FLT1: variants seen among roughly 807,000 people sequenced by gnomAD.
The protein encoded by FLT1 is vascular endothelial growth factor receptor 1.
Under a neutral mutation model 156.3 loss-of-function variants are expected in FLT1, and 49 were observed. The ratio of observed to expected loss-of-function variants is 0.31; its 90% CI spans 0.25 to 0.40. The LOEUF (loss-of-function observed/expected upper bound fraction) is 0.40. FLT1 is among the 10% of genes least tolerant of loss of function. The pLI, the probability that FLT1 is intolerant of heterozygous loss-of-function variation, is 1.00. For missense variants in FLT1, 1,322 were observed against 1,637.2 expected, an observed-to-expected ratio of 0.81 and a Z score of 3.32; for synonymous variants, 594 against 583.8, an observed-to-expected ratio of 1.02 and a Z score of -0.25.
chr13:28,433,342 G>T (rs1877813835), intron 6 of FLT1, among the ~76,000 whole-genome samples: 3 of 152,166 alleles, frequency 2.0e-5, no homozygotes, highest in South Asian at 4.2e-4. Context: ...ATGGAATATT[G>T]GATGGCTGGG....
chr13:28,470,431 C>T (rs1880096767), intron 1 of FLT1, among the ~76,000 whole-genome samples: 1 of 152,010 alleles, frequency 6.6e-6, no homozygotes. Context: ...GGAAAAGATC[C>T]ATCGAAGCTT....
rs2138826711 is a variant in FLT1, at chr13:28,319,492, C to G, written c.3217G>C (p.Asp1073His). ...LKWMAPESIF[D>H]KIYSTKSDVW... ...TCGCTCTTGGTGCTGTAGATTTTGTCAAAGATAGATTCAGGAGCCATCCAT... is the reference window on the plus strand; with the variant it reads ...TCGCTCTTGGTGCTGTAGATTTTGTGAAAGATAGATTCAGGAGCCATCCAT... The change falls in exon 24 of 30, where the codon GAC becomes CAC. Residue 1073 changes from aspartate (D) to histidine (H), a missense_variant. This residue lies in a region of FLT1 where 329 missense variants were observed against 366.2 expected (regional missense o/e 0.90). Coordinates refer to ENST00000282397, the MANE Select transcript of FLT1 (RefSeq NM_002019.4). 6.2e-7 allele frequency: 1 copy of G among 1,613,992 alleles called. No individual in the cohort carries two copies. Among genetic ancestry groups the G allele is most frequent in the Non-Finnish European group, 8.5e-7 (1 of 1,179,944 alleles).
chr13:28,318,797 T>A (rs146049356), intron 24 of FLT1, among the ~76,000 whole-genome samples: 1 of 152,356 alleles, frequency 6.6e-6, no homozygotes. Context: ...ACTGTGTGTC[T>A]GCAAGCAGAT....
chr13:28,371,675 G>A (rs1020456327), intron 14 of FLT1, among the ~76,000 whole-genome samples: 1 of 152,188 alleles, frequency 6.6e-6, no homozygotes, highest in African/African-American at 2.4e-5. Context: ...ATCATATGCT[G>A]AGGTTGGCTA....
chr13:28,486,328 C>A (rs1881160165), intron 1 of FLT1, among the ~76,000 whole-genome samples: 1 of 152,214 alleles, frequency 6.6e-6, no homozygotes, highest in Admixed American at 6.5e-5. Flanking sequence ...GGGGACAGAA[C>A]CCTGGCACAT....
chr13:28,459,242 C>T (rs1444231662), intron 3 of FLT1, among the ~76,000 whole-genome samples: 2 of 152,170 alleles, frequency 1.3e-5, no homozygotes, highest in Non-Finnish European at 2.9e-5. Context: ...TCACCTGTCT[C>T]CTGAGCAAAT....
At chr13:28,361,434 G>A (rs1285875282) in intron 14 of FLT1, among the ~76,000 whole-genome samples, 3 of 151,836 alleles carry the variant, frequency 2.0e-5, no homozygotes, top group Non-Finnish European at 4.4e-5. Context: ...CTCCTACTAC[G>A]TACTAGACAC....
Position 28,322,915 on chromosome 13 carries a change from T to G in FLT1, c.2828A>C (p.Glu943Ala), listed in dbSNP as rs367615542. ...DAALHMEPKK[E>A]KMEPGLEQGK... is the part of the protein sequence containing the mutation. The stretch of plus-strand genomic sequence containing the variant: ...TTGTTCCAGGCCTGGCTCCATTTTT[T>G]CTTTCTTAGGCTCCATGTGTAGTGC... Residue 943 changes from glutamate (E) to alanine (A), a missense_variant, in exon 21 of 30, where the codon GAA becomes GCA. Transcript: ENST00000282397. The surrounding 1 kb of genome is among the most constrained non-coding windows in gnomAD (Gnocchi z 4.3). 3.2e-5 allele frequency: 51 copies of G among 1,614,054 alleles called. No homozygotes were observed. The highest frequency in any genetic ancestry group is 4.2e-5 in the Non-Finnish European group (50 of 1,180,038).
At chr13:28,492,319 A>G (rs965987090) in intron 1 of FLT1, among the ~76,000 whole-genome samples, 15 of 152,190 alleles carry the variant, frequency 9.9e-5, no homozygotes, top group African/African-American at 3.6e-4. Flanking sequence ...GGCAAAGAAA[A>G]AGGTCTGTAG....
At chr13:28,329,998 G>A (rs1010397632) in intron 18 of FLT1, among the ~76,000 whole-genome samples, 6 of 152,192 alleles carry the variant, frequency 3.9e-5, no homozygotes, top group East Asian at 1.9e-4. Flanking sequence ...TCAGCAATGC[G>A]CTGACTCAGA....
intron 29 of FLT1, among the ~76,000 whole-genome samples, chr13:28,305,207 C>T (rs1401012553): frequency 2.0e-5 from 3 of 152,178 alleles, no homozygotes; most frequent in African/African-American, 7.2e-5. Context: ...TAGCTATCCT[C>T]ATGGGCGTAA....
chr13:28,426,606 A>C (rs934544503), intron 10 of FLT1, among the ~76,000 whole-genome samples: 6 of 152,178 alleles, frequency 3.9e-5, no homozygotes, highest in African/African-American at 9.7e-5. Flanking sequence ...GGCAGTGAGG[A>C]GAGTTCACAG....
intron 15 of FLT1, 35 bp downstream of exon 15, chr13:28,357,519 C>A (rs770407567): frequency 1.2e-6 from 2 of 1,611,464 alleles, no homozygotes; most frequent in Non-Finnish European, 8.5e-7. Flanking sequence ...AGATGTCTGA[C>A]CAATTTCTTG....
At chr13:28,339,702 T>C (rs988344222) in intron 16 of FLT1, among the ~76,000 whole-genome samples, 1 of 152,170 alleles carries the variant, frequency 6.6e-6, no homozygotes, top group Non-Finnish European at 1.5e-5. Flanking sequence ...CAGGAATATA[T>C]ATTACATATG....
intron 3 of FLT1, among the ~76,000 whole-genome samples, chr13:28,440,168 G>A (rs970251773): frequency 5.3e-5 from 8 of 152,086 alleles, no homozygotes; most frequent in Admixed American, 2.0e-4. Context: ...GTTACAACAC[G>A]GTCCACAGAA....
At chr13:28,391,766 C>CGGAA (rs1481718014) in intron 12 of FLT1, among the ~76,000 whole-genome samples, 2 of 152,164 alleles carry the variant, frequency 1.3e-5, no homozygotes, top group Non-Finnish European at 2.9e-5. Context: ...GAGCTCTTCC[C>CGGAA]CTCCGCATGC....
chr13:28,486,318 G>A (rs1240503585), intron 1 of FLT1, among the ~76,000 whole-genome samples: 1 of 152,204 alleles, frequency 6.6e-6, no homozygotes, highest in Non-Finnish European at 1.5e-5. Context: ...TCACAACAGT[G>A]GGGACAGAAC....
rs572893392 is a variant in FLT1 at position 28,327,730 on chromosome 13, G to A, written c.2708-180C>T. On this transcript the variant is annotated intron_variant, in intron 19 of 29. Transcript: ENST00000282397. The stretch of plus-strand genomic sequence containing the variant: ...TGACTTTTTCAGTTTAACCTAAGAA[G>A]GGGTTTAAAGAATACAATTGAAATA... 2.1e-4 allele frequency among the ~76,000 whole-genome samples: 28 copies of A among 132,356 alleles called. No homozygotes were observed. The South Asian group carries it at 7.0e-3, about 33-fold the overall frequency. The allele number at this position is 132,356 out of a possible 152,430, so 86.8% of individuals were successfully genotyped here. A position where few individuals can be genotyped will look rare whatever the true frequency, so the allele number is the denominator to read the frequency against.
At position 28,311,751 on chromosome 13, in the gene FLT1, A is replaced by G. The variant is rs1435736746; in HGVS notation, c.3493-19T>C. ...TACCATCCTAAAATACCAAAGGTAG[A>G]GCTCTCGTTGCACCAATTCTGACTT... On this transcript the variant is annotated intron_variant, in intron 26 of 29. Coordinates refer to ENST00000282397, the MANE Select transcript of FLT1 (RefSeq NM_002019.4). 1 of 1,613,758 alleles carries G rather than the reference A, an allele frequency of 6.2e-7. No individual in the cohort carries two copies. Among genetic ancestry groups the G allele is most frequent in the Non-Finnish European group, 8.5e-7 (1 of 1,179,680 alleles).
Sources: gnomAD v4.1 joint callset for allele counts (sites outside exome capture counted in the v4.1 genomes callset) on GRCh38, gnomAD v4.1.1 for gene constraint, gnomAD v4.1.1 regional missense constraint, Gnocchi (gnomAD v3.1) non-coding constraint, MANE v1.5 for transcripts, NCBI Gene and HGNC (gene_info 2026-07-23, HGNC 2026-07-21) for gene names.